The following XRCC6 variants were observed in gnomAD, a reference collection of about 807,000 sequenced individuals.
XRCC6 encodes the protein X-ray repair cross complementing 6.
XRCC6 carries 5 observed loss-of-function variants against 65.7 expected under a neutral mutation model. That is an observed-to-expected ratio of 0.08 (90% CI 0.04 to 0.16). The LOEUF is 0.16. XRCC6 is among the 10% of genes least tolerant of loss of function. XRCC6 has a pLI of 1.00. For synonymous variants in XRCC6, 270 were observed against 270.6 expected, an observed-to-expected ratio of 1.00 and a Z score of 0.02; for missense variants, 447 against 738.1, an observed-to-expected ratio of 0.61 and a Z score of 4.57.
intron 2 of XRCC6, among the ~76,000 whole-genome samples, chr22:41,627,305 A>T (rs2067688617): frequency 6.6e-6 from 1 of 152,068 alleles, no homozygotes; most frequent in South Asian, 2.1e-4. Context: ...CATGCCTATA[A>T]TCCCAGCTCT....
intron 3 of XRCC6, among the ~76,000 whole-genome samples, chr22:41,634,272 A>G (rs925570770): frequency 1.3e-5 from 2 of 149,742 alleles, no homozygotes; most frequent in African/African-American, 2.5e-5. Flanking sequence ...TGCAGCCTTG[A>G]CCTCCTGTGC....
At chr22:41,629,731 G>A (rs1261962040) in intron 3 of XRCC6, among the ~76,000 whole-genome samples, 2 of 151,794 alleles carry the variant, frequency 1.3e-5, no homozygotes, top group Non-Finnish European at 2.9e-5. Context: ...GTGCAGTGGC[G>A]TGATCTTGGC....
rs66668829 is a variant in XRCC6, at chr22:41,641,168, ATTAT to A, written c.773+3382_773+3385del. ...TAGGCATAGTGCTTGGCCCGTGGTA[ATTAT>A]TTATAAATGTTAGCTGTTCTTATTT... On this transcript the variant is annotated intron_variant, in intron 6 of 12. Coordinates refer to ENST00000360079, the MANE Select transcript of XRCC6 (RefSeq NM_001469.5). Among the ~76,000 whole-genome samples, 172 of 147,244 alleles carry A rather than the reference ATTAT, an allele frequency of 1.2e-3. 2 individuals are homozygous for A. Among genetic ancestry groups the A allele is most frequent in the African/African-American group, 4.6e-3 (170 of 36,836 alleles).
At chr22:41,636,056 C>G (rs1427363616) in intron 3 of XRCC6, 57 bp from the exon 4 acceptor site, 2 of 1,484,298 alleles carry the variant, frequency 1.3e-6, no homozygotes, top group Non-Finnish European at 1.8e-6. Context: ...AGGTACTGAG[C>G]ACTTATGGAG....
At chr22:41,637,907 T>C in intron 6 of XRCC6, 116 bp downstream of exon 6, 1 of 1,204,396 alleles carries the variant, frequency 8.3e-7, no homozygotes, top group South Asian at 1.7e-5. Flanking sequence ...GGCGGATTGC[T>C]TGAGCCTAGG....
intron 7 of XRCC6, among the ~76,000 whole-genome samples, chr22:41,649,138 AAATAT>A (rs1282716442): frequency 3.3e-5 from 4 of 119,656 alleles, no homozygotes; most frequent in African/African-American, 1.5e-4. Flanking sequence ...AAAAAAAAAA[AAATAT>A]ATATATATAT....
At chr22:41,657,975 C>T (rs2068060987) in intron 10 of XRCC6, among the ~76,000 whole-genome samples, 1 of 152,098 alleles carries the variant, frequency 6.6e-6, no homozygotes, top group Non-Finnish European at 1.5e-5. Flanking sequence ...AGGCGTGCAC[C>T]AACATGCCTG....
At chr22:41,638,292 G>T (rs1053314680) in intron 6 of XRCC6, among the ~76,000 whole-genome samples, 1 of 152,042 alleles carries the variant, frequency 6.6e-6, no homozygotes, top group Non-Finnish European at 1.5e-5. Flanking sequence ...GCGTCATTAG[G>T]CGATTTTGTC....
chr22:41,646,089 G>A (rs2067929266), intron 6 of XRCC6, among the ~76,000 whole-genome samples: 1 of 151,916 alleles, frequency 6.6e-6, no homozygotes, highest in East Asian at 1.9e-4. Context: ...GAATCACGAG[G>A]TCAGGAGTTC....
intron 3 of XRCC6, among the ~76,000 whole-genome samples, chr22:41,630,902 T>C (rs1456319878): frequency 6.6e-6 from 1 of 152,238 alleles, no homozygotes; most frequent in Non-Finnish European, 1.5e-5. Flanking sequence ...TTCTCAATCT[T>C]TTCCCCACCT....
chr22:41,637,457 G>A (rs1387043231), intron 5 of XRCC6, 151 bp from the exon 6 acceptor site: 1 of 685,462 alleles, frequency 1.5e-6, no homozygotes, highest in Non-Finnish European at 2.4e-6. Flanking sequence ...ATAGCAGTTG[G>A]TTTCCTTAGT....
intron 11 of XRCC6, 61 bp from the exon 12 acceptor site, chr22:41,661,270 G>A: frequency 3.5e-6 from 5 of 1,447,778 alleles, no homozygotes; most frequent in Non-Finnish European, 4.8e-6. Context: ...AGTTCTGGAA[G>A]TGGACAGCAA....
At chr22:41,656,866 G>C in intron 9 of XRCC6, 37 bp from the exon 10 acceptor site, 1 of 1,611,206 alleles carries the variant, frequency 6.2e-7, no homozygotes, top group Non-Finnish European at 8.5e-7. Context: ...TGCAACACTT[G>C]AAGTCAAATC....
At chr22:41,659,754 G>C (rs1265442909) in intron 11 of XRCC6, among the ~76,000 whole-genome samples, 1 of 151,772 alleles carries the variant, frequency 6.6e-6, no homozygotes, top group African/African-American at 2.4e-5. Flanking sequence ...GTGGGATCTC[G>C]GCTCACTGAA....
chr22:41,627,271 G>A (rs185697748), intron 2 of XRCC6, among the ~76,000 whole-genome samples: 2 of 152,150 alleles, frequency 1.3e-5, no homozygotes, highest in Admixed American at 6.6e-5. Context: ...ATAAAGAAAC[G>A]TAAGGGGTGG....
Position 41,628,124 on chromosome 22 carries a change from A to G in XRCC6, c.89A>G (p.Tyr30Cys), listed in dbSNP as rs774503375. 3.2e-5 allele frequency: 51 copies of G among 1,610,278 alleles called. No individual in the cohort carries two copies. Among genetic ancestry groups the G allele is most frequent in the Non-Finnish European group, 4.0e-5 (47 of 1,177,888 alleles). Residue 30 changes from tyrosine (Y) to cysteine (C), a missense_variant, in exon 3 of 13, where the codon TAT (tyrosine) becomes TGT (cysteine). This residue lies in a region of XRCC6 where 228 missense variants were observed against 307.4 expected (regional missense o/e 0.74). Transcript: ENST00000360079. ...QEENLEASGD[Y>C]KYSGRDSLIF... ...TCCATTTTTTTCCCCATAGGAGACT[A>G]TAAATATTCAGGAAGAGATAGTTTG...
chr22:41,650,857 C>T lies in XRCC6; in HGVS notation c.1095C>T (p.Ser365=), dbSNP rs201816814. ...AGAAACACCATTACCTGAGGCCCTC[C>T]CTGTTCGTGTACCCAGAGGAGTCGC... ...LLKKHHYLRP[S]LFVYPEESLV... is the part of the protein sequence containing the mutation. The change falls in exon 8 of 13, where the codon TCC becomes TCT. Residue 365 remains serine, a synonymous_variant. Coordinates refer to ENST00000360079, the MANE Select transcript of XRCC6 (RefSeq NM_001469.5). 1.9e-6 allele frequency: 3 copies of T among 1,614,112 alleles called. No homozygotes were observed. In the South Asian group the frequency reaches 3.3e-5, roughly 18 times the overall value.
At chr22:41,630,758 C>CA (rs2067733793) in intron 3 of XRCC6, among the ~76,000 whole-genome samples, 1 of 152,150 alleles carries the variant, frequency 6.6e-6, no homozygotes, top group Non-Finnish European at 1.5e-5. Flanking sequence ...GCACATGTTT[C>CA]AGAGAGCACA....
chr22:41,646,795 A>T, intron 6 of XRCC6, 101 bp from the exon 7 acceptor site: 1 of 1,004,730 alleles, frequency 1.0e-6, no homozygotes, highest in East Asian at 2.4e-5. Flanking sequence ...GCTTAGGATT[A>T]TTGGAGAGAA....
Sources: allele counts gnomAD v4.1 joint callset (sites outside exome capture counted in the v4.1 genomes callset), GRCh38; gene constraint gnomAD v4.1.1; regional missense constraint gnomAD v4.1.1; transcripts MANE v1.5; gene names NCBI Gene and HGNC (gene_info 2026-07-23, HGNC 2026-07-21).